Variants in ELAVL2 observed in about 807,000 individuals in gnomAD.
ELAVL2 encodes ELAV like RNA binding protein 2.
ELAVL2 carries 4 observed loss-of-function variants against 34.6 expected under a neutral mutation model. The observed-to-expected ratio is 0.12, with a 90% CI of 0.06 to 0.26. The LOEUF (loss-of-function observed/expected upper bound fraction) is 0.26. ELAVL2 is among the 10% of genes least tolerant of loss of function. ELAVL2 has a pLI of 1.00. For missense variants in ELAVL2, 432 were observed against 442.8 expected (o/e 0.98, Z 0.22); for synonymous variants, 193 against 154.8 (o/e 1.25, Z -1.83).
rs1413708618 is a variant in ELAVL2, at chr9:23,691,279, G to C, written c.*1278C>G. ...GGAAAAAAAATTAAATTAGCTGAAA[G>C]GTTCATAAACACAAGGTCTTATTTA... is the stretch of plus-strand genomic sequence containing the variant. On this transcript the variant is annotated 3_prime_UTR_variant, in exon 7 of 7. Coordinates refer to ENST00000397312, the MANE Select transcript of ELAVL2 (RefSeq NM_004432.5). 6.6e-6 allele frequency: 1 copy of C among 152,512 alleles called. No homozygotes were observed. The highest frequency in any genetic ancestry group is 6.6e-5 in the Admixed American group (1 of 15,256). 9.4% of individuals were successfully genotyped at this position (152,512 alleles called of 1,614,324 possible).
intron 1 of ELAVL2, among the ~76,000 whole-genome samples, chr9:23,784,488 C>T (rs977685827): frequency 3.3e-5 from 5 of 152,188 alleles, no homozygotes; most frequent in African/African-American, 1.2e-4. Flanking sequence ...GTGCCACACA[C>T]ATACTAGGTA....
intron 2 of ELAVL2, among the ~76,000 whole-genome samples, chr9:23,740,212 C>A (rs10966061): frequency 0.34 from 51,778 of 151,996 alleles, 9,327 homozygotes; most frequent in African/African-American, 0.43. Flanking sequence ...ACCTGTCTGG[C>A]AGTCAACAGT....
At chr9:23,778,571 T>TC (rs1026532761) in intron 1 of ELAVL2, among the ~76,000 whole-genome samples, 1 of 152,158 alleles carries the variant, frequency 6.6e-6, no homozygotes, top group African/African-American at 2.4e-5. Flanking sequence ...GCCTTAATGT[T>TC]CCGGCCCCTG....
intron 1 of ELAVL2, among the ~76,000 whole-genome samples, chr9:23,794,661 A>T (rs1267358012): frequency 6.6e-6 from 1 of 152,218 alleles, no homozygotes; most frequent in African/African-American, 2.4e-5. Flanking sequence ...TTAAAATTAC[A>T]CAAAGCTTGT....
chr9:23,765,021 C>T, intron 1 of ELAVL2: 3 of 1,609,372 alleles, frequency 1.9e-6, no homozygotes, highest in Non-Finnish European at 2.5e-6. Flanking sequence ...CGGTCCAAGG[C>T]TCTGCTGCCC....
At chr9:23,762,352 A>T in intron 1 of ELAVL2, 103 bp from the exon 2 acceptor site, 9 of 1,453,580 alleles carry the variant, frequency 6.2e-6, no homozygotes, top group Non-Finnish European at 8.3e-6. Flanking sequence ...AAGTCGTTCT[A>T]ATGAAATTAC....
chr9:23,758,206 C>G (rs764859055), intron 2 of ELAVL2, among the ~76,000 whole-genome samples: 23 of 152,112 alleles, frequency 1.5e-4, no homozygotes, highest in Non-Finnish European at 2.8e-4. Context: ...ACGGGTAATG[C>G]TACACACCAC....
At chr9:23,819,776 C>T (rs1429026153) in intron 1 of ELAVL2, among the ~76,000 whole-genome samples, 1 of 152,166 alleles carries the variant, frequency 6.6e-6, no homozygotes, top group East Asian at 1.9e-4. Context: ...GGAGGAATCA[C>T]AGAAAATTTA....
At chr9:23,848,498 A>G in the ELAVL2 span, among the ~76,000 whole-genome samples, 1 of 152,182 alleles carries the variant, frequency 6.6e-6, no homozygotes, top group African/African-American at 2.4e-5. Context: ...AATATTGATG[A>G]CTTTGGAAGC....
intron 1 of ELAVL2, among the ~76,000 whole-genome samples, chr9:23,789,174 A>G (rs559732047): frequency 2.5e-4 from 38 of 152,244 alleles, no homozygotes; most frequent in African/African-American, 9.1e-4. Flanking sequence ...TTCAGTTCCT[A>G]TTAGTCCCTA....
intron 5 of ELAVL2, among the ~76,000 whole-genome samples, chr9:23,697,789 C>T (rs911345225): frequency 3.3e-5 from 5 of 151,614 alleles, no homozygotes; most frequent in African/African-American, 9.7e-5. Context: ...AATGTGAACC[C>T]GATTAAAGTC....
chr9:23,705,994 A>C (rs1211797232), intron 3 of ELAVL2, among the ~76,000 whole-genome samples: 2 of 152,208 alleles, frequency 1.3e-5, no homozygotes, highest in African/African-American at 4.8e-5. Context: ...CACCCTTATC[A>C]GTAAGTATGC....
chr9:23,789,672 C>A (rs1403003309), intron 1 of ELAVL2, among the ~76,000 whole-genome samples: 1 of 152,092 alleles, frequency 6.6e-6, no homozygotes, highest in African/African-American at 2.4e-5. Flanking sequence ...ATCCGAAACC[C>A]ACAATCTGAA....
intron 1 of ELAVL2, among the ~76,000 whole-genome samples, chr9:23,799,230 C>T (rs74550548): frequency 0.011 from 1,616 of 152,296 alleles, 19 homozygotes; most frequent in Non-Finnish European, 0.014. Flanking sequence ...TACCTCTCGC[C>T]TATGACTTCT....
chr9:23,713,383 T>C (rs2041503271), intron 3 of ELAVL2, among the ~76,000 whole-genome samples: 1 of 152,218 alleles, frequency 6.6e-6, no homozygotes, highest in Non-Finnish European at 1.5e-5. Context: ...ACTATGGTAG[T>C]GGCAGTAGGC....
Position 23,692,330 on chromosome 9 carries a change from T to TA in ELAVL2, c.*226dup, listed in dbSNP as rs745455562. On this transcript the variant is annotated 3_prime_UTR_variant, in exon 7 of 7. Transcript: ENST00000397312. ...AGGCAATAGAATGCAATGTGACAGGTAAAAACCCTGTACCTCTTGTCCATA... is the reference window on the plus strand; with the variant it reads ...AGGCAATAGAATGCAATGTGACAGGTAAAAAACCCTGTACCTCTTGTCCATA... 18 of 504,312 alleles carry TA rather than the reference T, an allele frequency of 3.6e-5. 1 individual carries two copies. Among genetic ancestry groups the TA allele is most frequent in the Non-Finnish European group, 5.8e-5 (17 of 290,940 alleles). 31.2% of individuals were successfully genotyped at this position (504,312 alleles called of 1,614,324 possible). A position where few individuals can be genotyped will look rare whatever the true frequency, so the allele number is the denominator to read the frequency against.
intron 5 of ELAVL2, among the ~76,000 whole-genome samples, chr9:23,696,149 CCAA>C (rs2035112663): frequency 6.6e-6 from 1 of 152,156 alleles, no homozygotes; most frequent in African/African-American, 2.4e-5. Flanking sequence ...TCCTCCATCA[CCAA>C]CGAGTGTAGG....
At chr9:23,783,588 A>G (rs1326326704) in intron 1 of ELAVL2, 3 of 734,936 alleles carry the variant, frequency 4.1e-6, no homozygotes, top group Non-Finnish European at 1.7e-6. Context: ...TATGCCTCAA[A>G]TATCAACACA....
intron 3 of ELAVL2, among the ~76,000 whole-genome samples, chr9:23,705,794 T>TGTG (rs1435295702): frequency 6.6e-6 from 1 of 152,192 alleles, no homozygotes; most frequent in African/African-American, 2.4e-5. Flanking sequence ...CACCTCTGGC[T>TGTG]GTGTGCACTG....
Sources: gnomAD v4.1 joint callset for allele counts (sites outside exome capture counted in the v4.1 genomes callset) on GRCh38, gnomAD v4.1.1 for gene constraint, MANE v1.5 for transcripts, NCBI Gene and HGNC (gene_info 2026-07-23, HGNC 2026-07-21) for gene names.